KLHL13: variants seen among roughly 807,000 people sequenced by gnomAD.
KLHL13 encodes kelch-like protein 13.
A neutral mutation model predicts 37.1 loss-of-function variants in KLHL13; 10 were observed. The observed-to-expected ratio is 0.27, with a 90% CI of 0.17 to 0.46. KLHL13 has a LOEUF of 0.46. KLHL13 is among the 20% of genes least tolerant of loss of function. KLHL13 has a pLI of 1.00. For synonymous variants in KLHL13, 163 were observed against 181.2 expected, an observed-to-expected ratio of 0.90 and a Z score of 0.81; for missense variants, 360 against 509.3, an observed-to-expected ratio of 0.71 and a Z score of 2.82.
At chrX:117,941,750 GTCTA>G (rs1933046209) in intron 2 of KLHL13, among the ~76,000 whole-genome samples, 1 of 110,671 alleles carries the variant, frequency 9.0e-6, no homozygotes, top group South Asian at 3.8e-4. Context: ...CTGGCTAGCG[GTCTA>G]TCTATTTTGT....
intron 1 of KLHL13, among the ~76,000 whole-genome samples, chrX:118,086,360 T>C (rs759552094): frequency 1.8e-5 from 2 of 111,574 alleles, no homozygotes; most frequent in Non-Finnish European, 3.8e-5. Context: ...TTCTTAGAGG[T>C]TGTACTAATT....
At chrX:117,993,279 T>TGGTAGTGGGTGA (rs1181380403) in intron 1 of KLHL13, among the ~76,000 whole-genome samples, 1 of 111,506 alleles carries the variant, frequency 9.0e-6, no homozygotes, top group African/African-American at 3.3e-5. Context: ...ACTAAGGCAG[T>TGGTAGTGGGTGA]GGTAGTGGGT....
intron 1 of KLHL13, among the ~76,000 whole-genome samples, chrX:118,043,035 A>C (rs2054521422): frequency 9.0e-6 from 1 of 111,683 alleles, no homozygotes; most frequent in African/African-American, 3.2e-5. Flanking sequence ...AATAAATAAA[A>C]TCAAAGAAGA....
At chrX:117,976,811 G>A (rs1254090708), upstream of KLHL13, among the ~76,000 whole-genome samples, 3 of 111,796 alleles carry the variant, frequency 2.7e-5, no homozygotes, top group South Asian at 3.7e-4. Context: ...GTTCAGAGAC[G>A]TAACAAACAA....
At chrX:117,965,803 C>A (rs1208917556) in intron 1 of KLHL13, among the ~76,000 whole-genome samples, 1 of 111,633 alleles carries the variant, frequency 9.0e-6, no homozygotes, top group Non-Finnish European at 1.9e-5. Context: ...ACAACAAAAA[C>A]CACATGATTA....
intron 1 of KLHL13, among the ~76,000 whole-genome samples, chrX:117,963,841 A>T (rs1188266057): frequency 1.9e-5 from 2 of 106,750 alleles, no homozygotes; most frequent in Admixed American, 1.0e-4. Flanking sequence ...TTACATATAC[A>T]CCATGGAATA....
chrX:118,045,030 T>C (rs905319676), intron 1 of KLHL13, among the ~76,000 whole-genome samples: 2 of 111,669 alleles, frequency 1.8e-5, no homozygotes, highest in Admixed American at 9.5e-5. Flanking sequence ...CCAAAATATG[T>C]AAGGAGCTCA....
intron 1 of KLHL13, among the ~76,000 whole-genome samples, chrX:117,983,851 C>A (rs112709553): frequency 9.0e-6 from 1 of 111,300 alleles, no homozygotes; most frequent in Non-Finnish European, 1.9e-5. Context: ...ACTAAACTAG[C>A]CAAATTTGGA....
chrX:118,072,133 T>C (rs1373166314), intron 1 of KLHL13, among the ~76,000 whole-genome samples: 4 of 109,000 alleles, frequency 3.7e-5, no homozygotes, highest in African/African-American at 1.3e-4. Flanking sequence ...AAAACAGAGA[T>C]ATAGATCAAT....
chrX:118,115,396 T>G (rs771764673), intron 1 of KLHL13, among the ~76,000 whole-genome samples: 1 of 112,227 alleles, frequency 8.9e-6, no homozygotes, highest in African/African-American at 3.2e-5. Context: ...TCGCTAAGAG[T>G]GAGTAGTCTT....
intron 1 of KLHL13, among the ~76,000 whole-genome samples, chrX:117,990,814 C>T (rs2053779921): frequency 8.9e-6 from 1 of 111,850 alleles, no homozygotes; most frequent in East Asian, 2.8e-4. Context: ...TCTATGAATC[C>T]TGTTCCAATG....
At chrX:118,084,554 G>A in intron 1 of KLHL13, among the ~76,000 whole-genome samples, 1 of 111,871 alleles carries the variant, frequency 8.9e-6, no homozygotes, top group Non-Finnish European at 1.9e-5. Flanking sequence ...AAATGCACAT[G>A]CCTTTTGCTG....
intron 1 of KLHL13, among the ~76,000 whole-genome samples, chrX:117,991,137 T>TAAA (rs750755409): frequency 1.2e-5 from 1 of 83,917 alleles, no homozygotes; most frequent in African/African-American, 7.5e-5. Context: ...CATTAAAAAG[T>TAAA]AAAAAAAAAA....
chrX:117,966,757 A>G (rs1305937936), intron 1 of KLHL13, among the ~76,000 whole-genome samples: 1 of 111,687 alleles, frequency 9.0e-6, no homozygotes, highest in East Asian at 2.8e-4. Flanking sequence ...ATAATGCCAC[A>G]TATCTACAGC....
At chrX:117,949,318 G>A (rs1478274132) in intron 1 of KLHL13, among the ~76,000 whole-genome samples, 7 of 111,455 alleles carry the variant, frequency 6.3e-5, no homozygotes, top group African/African-American at 2.3e-4. Flanking sequence ...ATGGACAAAT[G>A]TGGTTTTTTT....
chrX:117,987,972 A>G (rs189960246), intron 1 of KLHL13, among the ~76,000 whole-genome samples: 2 of 112,143 alleles, frequency 1.8e-5, no homozygotes, highest in African/African-American at 6.5e-5. Context: ...CATTAAAATG[A>G]TTTAATCAAC....
chrX:117,950,423 T>C (rs1322504889), intron 1 of KLHL13, among the ~76,000 whole-genome samples: 1 of 111,164 alleles, frequency 9.0e-6, no homozygotes, highest in African/African-American at 3.3e-5. Flanking sequence ...GCCGAGACTG[T>C]GCCACTTCAC....
intron 1 of KLHL13, among the ~76,000 whole-genome samples, chrX:117,981,176 T>C (rs765238998): frequency 1.8e-5 from 2 of 112,261 alleles, no homozygotes; most frequent in African/African-American, 6.5e-5. Flanking sequence ...AGAAATTCAA[T>C]TAAAATCCTA....
chrX:118,047,147 A>T (rs975271727), intron 1 of KLHL13, among the ~76,000 whole-genome samples: 26 of 111,572 alleles, frequency 2.3e-4, no homozygotes, highest in Non-Finnish European at 3.8e-4. Flanking sequence ...TATTTTTTTT[A>T]AAAAGCAGAG....
Sources: allele counts gnomAD v4.1 joint callset (sites outside exome capture counted in the v4.1 genomes callset), GRCh38; gene constraint gnomAD v4.1.1; transcripts MANE v1.5; gene names NCBI Gene and HGNC (gene_info 2026-07-23, HGNC 2026-07-21).